Variants in SCLT1 observed in about 807,000 individuals in gnomAD.
The protein encoded by SCLT1 is sodium channel and clathrin linker 1.
A neutral mutation model predicts 112.8 loss-of-function variants in SCLT1; 78 were observed. The observed-to-expected ratio is 0.69, with a 90% CI of 0.58 to 0.83. The LOEUF (loss-of-function observed/expected upper bound fraction) is 0.83, where lower values mean the gene tolerates loss of function less well. SCLT1 is among the 40% of genes least tolerant of loss of function. SCLT1 has a pLI of 0.00. For missense variants in SCLT1, 747 were observed against 770.4 expected (o/e 0.97, Z 0.36); for synonymous variants, 257 against 254.7 (o/e 1.01, Z -0.09).
intron 18 of SCLT1, among the ~76,000 whole-genome samples, chr4:128,904,163 T>G (rs2125938596): frequency 6.6e-6 from 1 of 152,276 alleles, no homozygotes; most frequent in Non-Finnish European, 1.5e-5. Flanking sequence ...CTATAATTTC[T>G]GGCTTATTAT....
intron 20 of SCLT1, among the ~76,000 whole-genome samples, chr4:128,886,502 C>T (rs1056752246): frequency 6.6e-6 from 1 of 152,110 alleles, no homozygotes; most frequent in South Asian, 2.1e-4. Context: ...ATAAAATGTA[C>T]GTCTTACAAA....
intron 4 of SCLT1, chr4:129,039,898 G>GCA (rs891003886): frequency 1.2e-5 from 3 of 241,510 alleles, no homozygotes; most frequent in Non-Finnish European, 2.2e-5. Context: ...GTGTGCGCGC[G>GCA]CGCACACACA....
At chr4:128,959,491 T>C in intron 12 of SCLT1, 109 bp downstream of exon 12, 1 of 757,180 alleles carries the variant, frequency 1.3e-6, no homozygotes, top group Non-Finnish European at 2.2e-6. Context: ...AGAGTAGCAA[T>C]TTCATTTTCA....
At chr4:128,977,719 C>T (rs528981132) in intron 9 of SCLT1, among the ~76,000 whole-genome samples, 6 of 152,102 alleles carry the variant, frequency 3.9e-5, no homozygotes, top group South Asian at 2.1e-4. Flanking sequence ...ACAATTAAGA[C>T]GGAACGTATC....
At chr4:128,920,999 C>CTA (rs1735838541) in intron 18 of SCLT1, among the ~76,000 whole-genome samples, 2 of 152,262 alleles carry the variant, frequency 1.3e-5, no homozygotes, top group African/African-American at 4.8e-5. Context: ...CATTGCATTT[C>CTA]TATACATCAG....
rs113613624 is a variant in SCLT1 at position 129,068,163 on chromosome 4, A to G, written c.102+14143T>C. Among the ~76,000 whole-genome samples, 732 of 152,304 alleles carry G rather than the reference A, an allele frequency of 4.8e-3. 4 individuals carry two copies. The highest frequency in any genetic ancestry group is 0.016 in the African/African-American group (665 of 41,566). ...TCTCATCCAGGTTGCTGCAAATGCC[A>G]TTAATTCATTCCTTTTCAAGGATAA... is the stretch of plus-strand genomic sequence containing the variant. On this transcript the variant is annotated intron_variant, in intron 2 of 20. Transcript: ENST00000281142.
At chr4:129,023,319 G>C (rs767707390) in intron 5 of SCLT1, among the ~76,000 whole-genome samples, 1 of 152,268 alleles carries the variant, frequency 6.6e-6, no homozygotes, top group Non-Finnish European at 1.5e-5. Flanking sequence ...ATGTAAATGG[G>C]CTAAATGCCC....
At position 129,029,957 on chromosome 4, in the gene SCLT1, G is replaced by A. The variant is rs184970320; in HGVS notation, c.290+9084C>T. Among the ~76,000 whole-genome samples the A allele has an allele frequency of 1.9e-4, 29 of 152,018 alleles. No homozygotes were observed. In the East Asian group the frequency reaches 2.3e-3, roughly 12 times the overall value. On this transcript the variant is annotated intron_variant, in intron 5 of 20. Coordinates refer to ENST00000281142, the MANE Select transcript of SCLT1 (RefSeq NM_144643.4). ...ACTTGAACTCAGCTCTGGACCAAGC[G>A]GACCTAATAGACATCTACAGAACTC...
chr4:129,030,313 T>G (rs1399686493), intron 5 of SCLT1, among the ~76,000 whole-genome samples: 1 of 152,160 alleles, frequency 6.6e-6, no homozygotes, highest in Non-Finnish European at 1.5e-5. Context: ...GCTAAAGCAG[T>G]GTTAAGAGGG....
At chr4:129,079,145 C>A (rs1266414352) in intron 2 of SCLT1, among the ~76,000 whole-genome samples, 2 of 152,162 alleles carry the variant, frequency 1.3e-5, no homozygotes, top group African/African-American at 4.8e-5. Context: ...GGCAGGGACA[C>A]AAATCCAAAG....
intron 9 of SCLT1, among the ~76,000 whole-genome samples, chr4:128,977,431 GAA>G (rs1472646865): frequency 6.6e-6 from 1 of 152,134 alleles, no homozygotes; most frequent in Non-Finnish European, 1.5e-5. Context: ...GGTAAACAAG[GAA>G]GACAAAGCCC....
intron 18 of SCLT1, among the ~76,000 whole-genome samples, chr4:128,903,274 TA>T (rs1734461591): frequency 1.3e-5 from 2 of 151,700 alleles, no homozygotes; most frequent in African/African-American, 4.8e-5. Context: ...TGCATTGCAC[TA>T]AGACATTATA....
At chr4:128,913,670 A>G (rs1735262257) in intron 18 of SCLT1, among the ~76,000 whole-genome samples, 1 of 152,162 alleles carries the variant, frequency 6.6e-6, no homozygotes, top group Non-Finnish European at 1.5e-5. Flanking sequence ...AAGAGAAAGA[A>G]GGGCAGGAGA....
chr4:129,083,125 A>G (rs758813186), intron 1 of SCLT1, among the ~76,000 whole-genome samples: 1 of 146,534 alleles, frequency 6.8e-6, no homozygotes, highest in African/African-American at 2.5e-5. Context: ...CGGGAGGCAG[A>G]AGTTGCAGTG....
chr4:129,064,782 G>A (rs1330015305), intron 2 of SCLT1, among the ~76,000 whole-genome samples: 1 of 152,110 alleles, frequency 6.6e-6, no homozygotes, highest in East Asian at 1.9e-4. Flanking sequence ...CAAAGCAACA[G>A]AGGATTTTCT....
rs1017870154 is a variant in SCLT1 at position 129,086,064 on chromosome 4, C to CT, written c.35-3692dup. On this transcript the variant is annotated intron_variant, in intron 1 of 20. Coordinates refer to ENST00000281142, the MANE Select transcript of SCLT1 (RefSeq NM_144643.4). ...AAAAAATTAATCACAATACAAACCT[C>CT]TTTTTTTTTCCCTGACAGAGTTTTC... Among the ~76,000 whole-genome samples the CT allele has an allele frequency of 1.1e-4, 16 of 151,174 alleles. 1 individual carries two copies. The South Asian group carries it at 3.4e-3, about 32-fold the overall frequency.
At chr4:129,021,084 T>G (rs917692243) in intron 5 of SCLT1, among the ~76,000 whole-genome samples, 56 of 152,268 alleles carry the variant, frequency 3.7e-4, no homozygotes, top group African/African-American at 1.3e-3. Context: ...GGTTAGGCAG[T>G]GGGTCCAACC....
At chr4:129,032,693 T>C (rs1298207812) in intron 5 of SCLT1, among the ~76,000 whole-genome samples, 1 of 151,934 alleles carries the variant, frequency 6.6e-6, no homozygotes, top group Non-Finnish European at 1.5e-5. Flanking sequence ...CAGACACTTC[T>C]CAAAAGAAGA....
At chr4:128,902,296 A>G (rs771268785) in intron 18 of SCLT1, among the ~76,000 whole-genome samples, 3 of 152,190 alleles carry the variant, frequency 2.0e-5, no homozygotes, top group Non-Finnish European at 4.4e-5. Context: ...AGTTAATAAT[A>G]GGAATACATT....
Sources: gnomAD v4.1 joint callset for allele counts (sites outside exome capture counted in the v4.1 genomes callset) on GRCh38, gnomAD v4.1.1 for gene constraint, MANE v1.5 for transcripts, NCBI Gene and HGNC (gene_info 2026-07-23, HGNC 2026-07-21) for gene names.